The following TNFSF8 variants were observed in gnomAD, a reference collection of about 807,000 sequenced individuals.
The protein encoded by TNFSF8 is tumor necrosis factor ligand superfamily member 8.
Under a neutral mutation model 22.0 loss-of-function variants are expected in TNFSF8, and 4 were observed. That is an observed-to-expected ratio of 0.18 (90% CI 0.09 to 0.42). The LOEUF (loss-of-function observed/expected upper bound fraction) is 0.42, where lower values mean the gene tolerates loss of function less well. Among genes scored for constraint, TNFSF8 ranks in the 10% least tolerant of loss-of-function variants. The probability of loss-of-function intolerance (pLI) is 1.00; values close to 1 mark genes in which losing one functional copy is unlikely to be tolerated. For synonymous variants in TNFSF8, 106 were observed against 112.5 expected, an observed-to-expected ratio of 0.94 and a Z score of 0.37; for missense variants, 233 against 281.8, an observed-to-expected ratio of 0.83 and a Z score of 1.24.
chr9:114,915,620 T>C (rs762551554), intron 2 of TNFSF8, among the ~76,000 whole-genome samples: 15 of 152,188 alleles, frequency 9.9e-5, no homozygotes, highest in Non-Finnish European at 2.1e-4. Flanking sequence ...TTGTATGACC[T>C]TGGGCAAATC....
intron 2 of TNFSF8, among the ~76,000 whole-genome samples, chr9:114,913,443 C>T (rs1308910823): frequency 6.6e-6 from 1 of 152,168 alleles, no homozygotes; most frequent in East Asian, 1.9e-4. Flanking sequence ...TCATTCAAAC[C>T]CATGCGTGTG....
intron 2 of TNFSF8, among the ~76,000 whole-genome samples, chr9:114,912,437 T>C (rs1358518169): frequency 6.6e-6 from 1 of 152,272 alleles, no homozygotes; most frequent in Non-Finnish European, 1.5e-5. Flanking sequence ...GTTGCCAGGC[T>C]GGAGTGCAGT....
At chr9:114,911,597 C>G (rs1002321747) in intron 2 of TNFSF8, among the ~76,000 whole-genome samples, 1 of 152,200 alleles carries the variant, frequency 6.6e-6, no homozygotes, top group Non-Finnish European at 1.5e-5. Flanking sequence ...CTAGGTGACC[C>G]TGATTTCCAA....
chr9:114,895,741 A>G (rs1587927822), intron 4 of TNFSF8, among the ~76,000 whole-genome samples: 1 of 152,206 alleles, frequency 6.6e-6, no homozygotes, highest in East Asian at 1.9e-4. Context: ...TAGAGTTAGT[A>G]ATTGCTTCAG....
intron 2 of TNFSF8, among the ~76,000 whole-genome samples, chr9:114,907,297 G>A (rs774050661): frequency 1.3e-5 from 2 of 152,174 alleles, no homozygotes; most frequent in Non-Finnish European, 2.9e-5. Context: ...CAGTGGGTCA[G>A]CTGTCATCCC....
intron 3 of TNFSF8, 94 bp from the exon 4 acceptor site, chr9:114,904,419 AC>A: frequency 6.7e-7 from 1 of 1,487,108 alleles, no homozygotes; most frequent in Non-Finnish European, 9.0e-7. Flanking sequence ...CCCATTCAAG[AC>A]CCATGTTTTC....
chr9:114,925,026 G>A (rs917918198), intron 1 of TNFSF8, among the ~76,000 whole-genome samples: 10 of 152,266 alleles, frequency 6.6e-5, no homozygotes, highest in Admixed American at 4.6e-4. Flanking sequence ...TTCTTGTGCC[G>A]AACTCCTATT....
chr9:114,917,636 A>G (rs1827935921), intron 2 of TNFSF8, among the ~76,000 whole-genome samples: 1 of 152,232 alleles, frequency 6.6e-6, no homozygotes, highest in South Asian at 2.1e-4. Context: ...TTTAATGATT[A>G]CTATGTGCTG....
At chr9:114,917,573 GTC>G (rs1446346630) in intron 2 of TNFSF8, among the ~76,000 whole-genome samples, 16 of 152,202 alleles carry the variant, frequency 1.1e-4, no homozygotes, top group Admixed American at 9.8e-4. Flanking sequence ...TGAGGAGGAA[GTC>G]TGTTTTCACA....
rs1828126681 is a variant in TNFSF8, at chr9:114,930,396, A to G, written c.-93T>C. 9.3e-7 allele frequency: 1 copy of G among 1,072,048 alleles called. No homozygotes were observed. The highest frequency in any genetic ancestry group is 1.2e-6 in the Non-Finnish European group (1 of 802,870). 66.4% of individuals were successfully genotyped at this position (1,072,048 alleles called of 1,614,324 possible). On this transcript the variant is annotated 5_prime_UTR_variant, in exon 1 of 4. Transcript: ENST00000223795. ...TGTTCCAAGAAGGATTCTCCCCCTG[A>G]ATCCTGAATCATGTGACTTGGAAAA...
intron 1 of TNFSF8, among the ~76,000 whole-genome samples, chr9:114,927,370 G>C (rs944680058): frequency 6.6e-6 from 1 of 151,642 alleles, no homozygotes. Context: ...GTTTAAGCTT[G>C]GAGTTATCTG....
intron 1 of TNFSF8, among the ~76,000 whole-genome samples, chr9:114,921,969 T>C (rs1335756672): frequency 6.6e-6 from 1 of 152,226 alleles, no homozygotes; most frequent in African/African-American, 2.4e-5. Context: ...TTTAACCTGT[T>C]TGTCTCCAGG....
chr9:114,913,118 G>A (rs549482829), intron 2 of TNFSF8, among the ~76,000 whole-genome samples: 1 of 152,304 alleles, frequency 6.6e-6, no homozygotes, highest in African/African-American at 2.4e-5. Context: ...AGACTTGAAT[G>A]TCAGCATTCC....
intron 2 of TNFSF8, among the ~76,000 whole-genome samples, chr9:114,914,439 A>AAACCATGTGC (rs1487709110): frequency 6.6e-6 from 1 of 152,244 alleles, no homozygotes; most frequent in Non-Finnish European, 1.5e-5. Context: ...AATAAGCCAG[A>AAACCATGTGC]AACCATGTGC....
chr9:114,913,867 C>T (rs1376868728), intron 2 of TNFSF8, among the ~76,000 whole-genome samples: 1 of 152,158 alleles, frequency 6.6e-6, no homozygotes, highest in Admixed American at 6.5e-5. Flanking sequence ...TGATGCCTGT[C>T]AACGTTCATT....
At chr9:114,927,012 A>ATATTTATAATATAAAATGTTTATCTT (rs1466550753) in intron 1 of TNFSF8, among the ~76,000 whole-genome samples, 1 of 102,054 alleles carries the variant, frequency 9.8e-6, no homozygotes. Flanking sequence ...TTTATTTTAT[A>ATATTTATAATATAAAATGTTTATCTT]ATATATTTAT....
intron 1 of TNFSF8, among the ~76,000 whole-genome samples, chr9:114,928,298 TGCATCAAGCAATCAA>T (rs1828088045): frequency 6.6e-6 from 1 of 152,156 alleles, no homozygotes; most frequent in South Asian, 2.1e-4. Context: ...GGATGCTGCT[TGCATCAAGCAATCAA>T]GCAGTATTGG....
intron 2 of TNFSF8, among the ~76,000 whole-genome samples, chr9:114,914,752 G>T (rs1454591537): frequency 1.3e-5 from 2 of 152,014 alleles, no homozygotes; most frequent in Non-Finnish European, 1.5e-5. Flanking sequence ...AAAGGAGAAG[G>T]GTGTGGGGGA....
At chr9:114,916,872 C>T (rs1022219614) in intron 2 of TNFSF8, among the ~76,000 whole-genome samples, 4 of 152,126 alleles carry the variant, frequency 2.6e-5, no homozygotes, top group Non-Finnish European at 4.4e-5. Context: ...GTTTGCTTAC[C>T]CCTGCATTCT....
Sources: gnomAD v4.1 joint callset for allele counts (sites outside exome capture counted in the v4.1 genomes callset) on GRCh38, gnomAD v4.1.1 for gene constraint, MANE v1.5 for transcripts, NCBI Gene and HGNC (gene_info 2026-07-23, HGNC 2026-07-21) for gene names.